The following KCNMA1 variants were observed in gnomAD, a reference collection of about 807,000 sequenced individuals.
KCNMA1 encodes potassium calcium-activated channel subfamily M alpha 1, also known as Calcium-activated potassium channel subunit alpha-1.
A neutral mutation model predicts 140.0 loss-of-function variants in KCNMA1; 29 were observed. The ratio of observed to expected loss-of-function variants is 0.21; its 90% CI spans 0.15 to 0.28. The LOEUF (loss-of-function observed/expected upper bound fraction) is 0.28, where lower values mean the gene tolerates loss of function less well. Among genes scored for constraint, KCNMA1 ranks in the 10% least tolerant of loss-of-function variants. The pLI is 1.00. For missense variants in KCNMA1, 880 were observed against 1,602.2 expected, an observed-to-expected ratio of 0.55 and a Z score of 7.70; for synonymous variants, 612 against 611.9, an observed-to-expected ratio of 1.00 and a Z score of 0.00.
chr10:77,204,139 A>G (rs1290306465), intron 3 of KCNMA1, among the ~76,000 whole-genome samples: 1 of 152,010 alleles, frequency 6.6e-6, no homozygotes, highest in African/African-American at 2.4e-5. Flanking sequence ...AACTTAAATT[A>G]TATGACAATT....
At chr10:77,120,657 C>A (rs2097574519) in intron 6 of KCNMA1, among the ~76,000 whole-genome samples, 1 of 152,158 alleles carries the variant, frequency 6.6e-6, no homozygotes, top group South Asian at 2.1e-4. Flanking sequence ...TCACTGTGCA[C>A]CTTTCCCCTT....
intron 3 of KCNMA1, among the ~76,000 whole-genome samples, chr10:77,247,574 G>A (rs531973954): frequency 1.3e-5 from 2 of 152,122 alleles, no homozygotes; most frequent in Non-Finnish European, 2.9e-5. Context: ...CGTTGGTGTC[G>A]GGAGACATCA....
intron 20 of KCNMA1, among the ~76,000 whole-genome samples, chr10:76,966,685 G>C (rs1256742700): frequency 6.6e-6 from 1 of 152,158 alleles, no homozygotes; most frequent in Non-Finnish European, 1.5e-5. Flanking sequence ...GAAAACTACG[G>C]GAGGCTCCTT....
chr10:77,493,370 C>T lies in KCNMA1; in HGVS notation c.379-89347G>A, dbSNP rs141561858. ...GGTTCGGATGGCAGCAAGCTGCCCC[C>T]AGGGACCCAAAACCCAAAGGTCAGG... is the stretch of plus-strand genomic sequence containing the variant. On this transcript the variant is annotated intron_variant, in intron 1 of 27. Transcript: ENST00000286628. 7.6e-3 allele frequency among the ~76,000 whole-genome samples: 1,157 copies of T among 152,352 alleles called. 6 individuals are homozygous for T. The highest frequency in any genetic ancestry group is 0.011 in the Non-Finnish European group (752 of 68,026).
chr10:77,179,411 T>G (rs2098783928), intron 5 of KCNMA1, among the ~76,000 whole-genome samples: 1 of 152,134 alleles, frequency 6.6e-6, no homozygotes, highest in Admixed American at 6.5e-5. Flanking sequence ...CCAGGCTAGC[T>G]CTGCATTCTT....
chr10:77,283,270 A>G (rs1352282877), intron 2 of KCNMA1, among the ~76,000 whole-genome samples: 1 of 152,168 alleles, frequency 6.6e-6, no homozygotes, highest in Non-Finnish European at 1.5e-5. Flanking sequence ...AGAACTTTCT[A>G]TTTTCTCCTC....
At chr10:77,234,935 T>A (rs1015935606) in intron 3 of KCNMA1, among the ~76,000 whole-genome samples, 1 of 152,206 alleles carries the variant, frequency 6.6e-6, no homozygotes, top group Non-Finnish European at 1.5e-5. Context: ...AGTTAAGAAA[T>A]GTGGCCCAGA....
chr10:77,484,918 T>C (rs2098443743), intron 1 of KCNMA1, among the ~76,000 whole-genome samples: 1 of 152,224 alleles, frequency 6.6e-6, no homozygotes, highest in African/African-American at 2.4e-5. Flanking sequence ...ATGTGCAAAA[T>C]GTGGCTGCAG....
chr10:76,908,201 A>T (rs944170138), intron 25 of KCNMA1, among the ~76,000 whole-genome samples: 2 of 152,182 alleles, frequency 1.3e-5, no homozygotes, highest in African/African-American at 2.4e-5. Context: ...TCTTCTTAGG[A>T]ACACATCTTG....
chr10:77,295,416 C>T (rs181007405), intron 2 of KCNMA1, among the ~76,000 whole-genome samples: 57 of 151,602 alleles, frequency 3.8e-4, no homozygotes, highest in African/African-American at 1.3e-3. Flanking sequence ...TACATAGACA[C>T]GCATATATGT....
intron 2 of KCNMA1, among the ~76,000 whole-genome samples, chr10:77,260,220 A>T (rs2061668579): frequency 6.6e-6 from 1 of 152,096 alleles, no homozygotes; most frequent in Admixed American, 6.6e-5. Flanking sequence ...CTCAAAGGGG[A>T]TGGGGGGAGC....
intron 1 of KCNMA1, among the ~76,000 whole-genome samples, chr10:77,601,046 C>T (rs142626257): frequency 5.1e-4 from 78 of 152,314 alleles, no homozygotes; most frequent in African/African-American, 1.7e-3. Context: ...TTCTCATCTG[C>T]GAAGCAAAAG....
intron 3 of KCNMA1, among the ~76,000 whole-genome samples, chr10:77,193,097 C>T (rs780969856): frequency 2.6e-5 from 4 of 151,630 alleles, no homozygotes; most frequent in East Asian, 1.9e-4. Flanking sequence ...TGGCTTAGCA[C>T]GGATCTACAT....
chr10:77,222,115 A>AG (rs1323142152), intron 3 of KCNMA1, among the ~76,000 whole-genome samples: 4 of 152,216 alleles, frequency 2.6e-5, no homozygotes, highest in South Asian at 2.1e-4. Flanking sequence ...TACAAGAGAG[A>AG]GAAAAAAAGG....
intron 2 of KCNMA1, among the ~76,000 whole-genome samples, chr10:77,399,742 T>G (rs1408480262): frequency 1.3e-5 from 2 of 152,242 alleles, no homozygotes; most frequent in African/African-American, 4.8e-5. Flanking sequence ...CATCCTTATA[T>G]CTAGTTTATC....
At chr10:76,910,210 AG>A in intron 24 of KCNMA1, 114 bp from the exon 25 acceptor site, 1 of 1,168,584 alleles carries the variant, frequency 8.6e-7, no homozygotes, top group Non-Finnish European at 1.2e-6. Flanking sequence ...AGGAAACAAA[AG>A]CATGGAATAA....
intron 3 of KCNMA1, among the ~76,000 whole-genome samples, chr10:77,237,200 C>T (rs1485715433): frequency 6.6e-6 from 1 of 152,200 alleles, no homozygotes; most frequent in Non-Finnish European, 1.5e-5. Context: ...CATGTTCAAG[C>T]TGGGCACTGT....
chr10:76,918,243 T>G (rs2053789276), intron 23 of KCNMA1, among the ~76,000 whole-genome samples: 1 of 152,224 alleles, frequency 6.6e-6, no homozygotes, highest in African/African-American at 2.4e-5. Context: ...AACTAACACT[T>G]GGGAAGTTAA....
intron 19 of KCNMA1, chr10:76,979,885 T>C (rs1348935611): frequency 1.3e-5 from 2 of 152,188 alleles, no homozygotes; most frequent in Admixed American, 1.3e-4. Flanking sequence ...CCAGAACACT[T>C]TAGAAATACA....
Sources: gnomAD v4.1 joint callset for allele counts (sites outside exome capture counted in the v4.1 genomes callset) on GRCh38, gnomAD v4.1.1 for gene constraint, MANE v1.5 for transcripts, NCBI Gene and HGNC (gene_info 2026-07-23, HGNC 2026-07-21) for gene names.